Variants in TCF4 observed in about 807,000 individuals in gnomAD.
TCF4 encodes the protein transcription factor 4, also known as SL3-3 enhancer factor 2.
TCF4 carries 3 observed loss-of-function variants against 82.1 expected under a neutral mutation model. The ratio of observed to expected loss-of-function variants is 0.04; its 90% CI spans 0.02 to 0.09. The LOEUF (loss-of-function observed/expected upper bound fraction) is 0.09, where lower values mean the gene tolerates loss of function less well. Ranked by LOEUF, TCF4 falls within the 10% of genes least tolerant of loss-of-function variation. The pLI is 1.00. For missense variants in TCF4, 518 were observed against 852.7 expected, an observed-to-expected ratio of 0.61 and a Z score of 4.89; for synonymous variants, 276 against 309.6, an observed-to-expected ratio of 0.89 and a Z score of 1.14.
At chr18:55,514,427 AC>A (rs2096859607) in intron 3 of TCF4, among the ~76,000 whole-genome samples, 1 of 151,726 alleles carries the variant, frequency 6.6e-6, no homozygotes, top group South Asian at 2.1e-4. Context: ...ACACACACAC[AC>A]ACACACACAC....
chr18:55,471,439 G>A (rs146371496), intron 3 of TCF4, among the ~76,000 whole-genome samples: 63 of 152,262 alleles, frequency 4.1e-4, no homozygotes, highest in African/African-American at 1.3e-3. Context: ...GATGGCTCAC[G>A]CCTATAATCC....
intron 2 of TCF4, among the ~76,000 whole-genome samples, chr18:55,626,959 G>C (rs558671478): frequency 3.0e-4 from 46 of 152,320 alleles, no homozygotes; most frequent in Admixed American, 2.9e-3. Flanking sequence ...ACCAGCTTCT[G>C]TATATGGACA....
At chr18:55,618,836 C>G (rs2097714814) in intron 2 of TCF4, among the ~76,000 whole-genome samples, 1 of 152,056 alleles carries the variant, frequency 6.6e-6, no homozygotes, top group Non-Finnish European at 1.5e-5. Flanking sequence ...ATCCTCCTGC[C>G]TCAACTTCCT....
rs192827710 is a variant in TCF4, at chr18:55,269,569, G to A, written c.922+262C>T. The A allele has an allele frequency of 3.1e-5, 15 of 484,288 alleles. 1 individual carries two copies. The highest frequency in any genetic ancestry group is 1.6e-4 in the East Asian group (4 of 25,532). The allele number at this position is 484,288 out of a possible 1,614,324, so 30.0% of individuals were successfully genotyped here. On this transcript the variant is annotated intron_variant, in intron 11 of 19. Transcript: ENST00000354452. ...CTTTTTGAATGTGAGGAACAAGATAGTTTTGGTCTGTTTGAACCCTTGTTC... is the reference window on the plus strand; with the variant it reads ...CTTTTTGAATGTGAGGAACAAGATAATTTTGGTCTGTTTGAACCCTTGTTC...
chr18:55,567,919 T>G (rs2097424182), intron 3 of TCF4, among the ~76,000 whole-genome samples: 1 of 151,972 alleles, frequency 6.6e-6, no homozygotes, highest in South Asian at 2.1e-4. Flanking sequence ...GTAATAGAGG[T>G]CAATAATAAA....
chr18:55,520,167 C>T (rs1214314915), intron 3 of TCF4, among the ~76,000 whole-genome samples: 1 of 152,046 alleles, frequency 6.6e-6, no homozygotes, highest in Admixed American at 6.6e-5. Flanking sequence ...CAATATAAGG[C>T]CAATGATAGC....
chr18:55,599,345 C>T (rs1040834819), intron 2 of TCF4, among the ~76,000 whole-genome samples: 4 of 152,204 alleles, frequency 2.6e-5, no homozygotes, highest in Admixed American at 6.5e-5. Context: ...CTGAAGTCTG[C>T]TCTGACTTCT....
intron 5 of TCF4, among the ~76,000 whole-genome samples, chr18:55,455,179 C>CAAAAAAAAA (rs35889370): frequency 5.9e-5 from 4 of 67,470 alleles, no homozygotes; most frequent in Admixed American, 1.8e-4. Flanking sequence ...GACTCTGTCT[C>CAAAAAAAAA]AAAAAAAAAA....
At chr18:55,482,334 C>A (rs977944658) in intron 3 of TCF4, 1 of 152,148 alleles carries the variant, frequency 6.6e-6, no homozygotes, top group Non-Finnish European at 1.5e-5. Flanking sequence ...CCAAAAAATA[C>A]CATGCATGGA....
intron 9 of TCF4, among the ~76,000 whole-genome samples, chr18:55,278,595 G>A (rs1175652848): frequency 2.6e-5 from 4 of 151,976 alleles, no homozygotes; most frequent in Non-Finnish European, 5.9e-5. Context: ...TTGAGATGGA[G>A]TCTCGCTCTG....
At chr18:55,281,364 T>A (rs1376145334) in intron 8 of TCF4, among the ~76,000 whole-genome samples, 1 of 152,078 alleles carries the variant, frequency 6.6e-6, no homozygotes, top group African/African-American at 2.4e-5. Context: ...TCTAACAAGA[T>A]GAAAGAAACA....
intron 8 of TCF4, among the ~76,000 whole-genome samples, chr18:55,316,592 C>T (rs772579342): frequency 2.0e-5 from 3 of 151,980 alleles, no homozygotes; most frequent in Non-Finnish European, 4.4e-5. Context: ...AAGCCTCCAT[C>T]GTGGTACTAC....
intron 5 of TCF4, among the ~76,000 whole-genome samples, chr18:55,434,461 C>T (rs867871704): frequency 1.5e-5 from 2 of 136,272 alleles, no homozygotes; most frequent in East Asian, 2.2e-4. Flanking sequence ...GCTGTGTTGC[C>T]GAGGCTAGAG....
rs149414665 is a variant in TCF4 at position 55,438,251 on chromosome 18, T to C, written c.304+22768A>G. ...GTAGGCTAAGATTGACCACAGCTGCTTCCTAGAGGCCTCTGCTCAGCCCCT... is the reference window on the plus strand; with the variant it reads ...GTAGGCTAAGATTGACCACAGCTGCCTCCTAGAGGCCTCTGCTCAGCCCCT... On this transcript the variant is annotated intron_variant, in intron 5 of 19. Coordinates refer to ENST00000354452, the MANE Select transcript of TCF4 (RefSeq NM_001083962.2). Among the ~76,000 whole-genome samples the C allele has an allele frequency of 3.2e-4, 48 of 151,076 alleles. No individual in the cohort carries two copies. In the East Asian group the frequency reaches 7.2e-3, roughly 23 times the overall value.
intron 3 of TCF4, among the ~76,000 whole-genome samples, chr18:55,484,980 A>C (rs570134741): frequency 7.2e-5 from 11 of 152,172 alleles, no homozygotes; most frequent in African/African-American, 2.6e-4. Context: ...AGCCAATCAC[A>C]CCCCTTGCCT....
At chr18:55,540,586 C>T (rs1156559562) in intron 3 of TCF4, among the ~76,000 whole-genome samples, 1 of 151,990 alleles carries the variant, frequency 6.6e-6, no homozygotes, top group African/African-American at 2.4e-5. Flanking sequence ...ATTATTATTA[C>T]ATATTTGCAA....
At chr18:55,369,522 A>G (rs2088302838) in intron 6 of TCF4, among the ~76,000 whole-genome samples, 1 of 152,204 alleles carries the variant, frequency 6.6e-6, no homozygotes, top group Admixed American at 6.5e-5. Context: ...GCTGAGGTCC[A>G]TGAAAGAGGA....
chr18:55,537,798 C>G (rs1603620031), intron 3 of TCF4, among the ~76,000 whole-genome samples: 1 of 152,042 alleles, frequency 6.6e-6, no homozygotes, highest in Non-Finnish European at 1.5e-5. Flanking sequence ...TTTTGTCATT[C>G]AAAGGGACAG....
At chr18:55,574,430 T>C (rs752901130) in intron 3 of TCF4, among the ~76,000 whole-genome samples, 1 of 152,180 alleles carries the variant, frequency 6.6e-6, no homozygotes, top group African/African-American at 2.4e-5. Flanking sequence ...ATTCAAGCCA[T>C]TCTCCTGCCT....
Sources: allele counts gnomAD v4.1 joint callset (sites outside exome capture counted in the v4.1 genomes callset), GRCh38; gene constraint gnomAD v4.1.1; transcripts MANE v1.5; gene names NCBI Gene and HGNC (gene_info 2026-07-23, HGNC 2026-07-21).